The following FAAH2 variants were observed in gnomAD, a reference collection of about 807,000 sequenced individuals.
FAAH2 encodes fatty acid amide hydrolase 2.
Under a neutral mutation model 36.9 loss-of-function variants are expected in FAAH2, and 60 were observed. The ratio of observed to expected loss-of-function variants is 1.63; its 90% CI spans 1.32 to 2.02. FAAH2 has a LOEUF of 2.02. FAAH2 is among the 30% of genes most tolerant of loss of function. FAAH2 has a pLI of 0.00. For missense variants in FAAH2, 689 were observed against 397.5 expected, an observed-to-expected ratio of 1.73 and a Z score of -6.23; for synonymous variants, 214 against 143.8, an observed-to-expected ratio of 1.49 and a Z score of -3.49.
chrX:57,168,274 A>G, the FAAH2 span, among the ~76,000 whole-genome samples: 1 of 109,791 alleles, frequency 9.1e-6, no homozygotes, highest in Non-Finnish European at 1.9e-5. Context: ...GGTTTCTTTT[A>G]TTATATAATT....
chrX:57,207,829 G>A, the FAAH2 span, among the ~76,000 whole-genome samples: 1 of 112,707 alleles, frequency 8.9e-6, no homozygotes, highest in African/African-American at 3.2e-5. Context: ...AAGGCTCACA[G>A]CTTTTGTGCA....
intron 5 of FAAH2, among the ~76,000 whole-genome samples, chrX:57,376,523 G>T (rs1484952830): frequency 9.0e-6 from 1 of 111,288 alleles, no homozygotes; most frequent in African/African-American, 3.3e-5. Context: ...CGCTGAGAAT[G>T]ATGGTCACAT....
chrX:57,410,798 G>C (rs1426336714), intron 7 of FAAH2, among the ~76,000 whole-genome samples: 1 of 110,921 alleles, frequency 9.0e-6, no homozygotes, highest in Non-Finnish European at 1.9e-5. Flanking sequence ...GTATCTCTTT[G>C]TTGTACTTCT....
At chrX:57,270,332 A>T in the FAAH2 span, among the ~76,000 whole-genome samples, 610 of 111,906 alleles carry the variant, frequency 5.5e-3, 30 homozygotes, top group East Asian at 0.14. Flanking sequence ...ACTTTAAAAA[A>T]TTGAGGAGAA....
chrX:57,211,238 G>A, the FAAH2 span, among the ~76,000 whole-genome samples: 4 of 111,738 alleles, frequency 3.6e-5, no homozygotes, highest in Admixed American at 9.5e-5. Flanking sequence ...AGAGTAATTC[G>A]GGTCTCACTA....
the FAAH2 span, among the ~76,000 whole-genome samples, chrX:57,159,400 G>T: frequency 9.0e-6 from 1 of 111,440 alleles, no homozygotes; most frequent in Non-Finnish European, 1.9e-5. Flanking sequence ...GCTTGATGGG[G>T]ATGGCATTGA....
intron 8 of FAAH2, among the ~76,000 whole-genome samples, chrX:57,435,398 G>T (rs943169748): frequency 9.0e-6 from 1 of 111,059 alleles, no homozygotes; most frequent in African/African-American, 3.3e-5. Context: ...AAGAGAGATA[G>T]ATTGGCAGAA....
intron 3 of FAAH2, among the ~76,000 whole-genome samples, chrX:57,314,436 C>G (rs1161823060): frequency 9.0e-6 from 1 of 111,672 alleles, no homozygotes; most frequent in East Asian, 2.8e-4. Flanking sequence ...ATGGAATATA[C>G]ATTCAACTCA....
chrX:57,424,461 T>C (rs2056112590), intron 7 of FAAH2, among the ~76,000 whole-genome samples: 1 of 111,837 alleles, frequency 8.9e-6, no homozygotes, highest in Non-Finnish European at 1.9e-5. Context: ...TAAAATCAGC[T>C]GACACAAGCT....
intron 10 of FAAH2, among the ~76,000 whole-genome samples, chrX:57,470,494 C>T (rs1176957681): frequency 1.8e-5 from 2 of 111,551 alleles, no homozygotes; most frequent in African/African-American, 3.3e-5. Flanking sequence ...ACTAGAAAAT[C>T]TAGAAGAAAT....
At chrX:57,159,272 A>G in the FAAH2 span, among the ~76,000 whole-genome samples, 11 of 111,736 alleles carry the variant, frequency 9.8e-5, no homozygotes, top group African/African-American at 2.6e-4. Context: ...GTCAGGTAGC[A>G]TGATGCCTCC....
At chrX:57,430,315 A>C (rs2056265046) in intron 7 of FAAH2, among the ~76,000 whole-genome samples, 1 of 111,335 alleles carries the variant, frequency 9.0e-6, no homozygotes, top group Admixed American at 9.6e-5. Flanking sequence ...TATTCTCCAA[A>C]ACTTCTGATT....
Position 57,289,640 on chromosome X carries a change from A to T in FAAH2, c.192+2623A>T, listed in dbSNP as rs747476905. ...TGCTCATGTTACCTATTTATAATAA[A>T]TATAATCAATACTTTAGAAAATTAG... On this transcript the variant is annotated intron_variant, in intron 1 of 10. Coordinates refer to ENST00000374900, the MANE Select transcript of FAAH2 (RefSeq NM_174912.4). Among the ~76,000 whole-genome samples the T allele has an allele frequency of 1.4e-4, 16 of 111,547 alleles. 1 individual carries two copies. The highest frequency in any genetic ancestry group is 2.6e-4 in the Non-Finnish European group (14 of 53,172).
At chrX:57,211,599 C>T in the FAAH2 span, among the ~76,000 whole-genome samples, 1 of 111,862 alleles carries the variant, frequency 8.9e-6, no homozygotes, top group Non-Finnish European at 1.9e-5. Flanking sequence ...TCTGCAAACA[C>T]CACCTACTGG....
chrX:57,414,557 G>A (rs959380253), intron 7 of FAAH2, among the ~76,000 whole-genome samples: 2 of 111,620 alleles, frequency 1.8e-5, no homozygotes, highest in South Asian at 3.7e-4. Context: ...TGCATCCCAG[G>A]GATGAAGCTG....
At chrX:57,255,680 G>T in the FAAH2 span, among the ~76,000 whole-genome samples, 1 of 111,928 alleles carries the variant, frequency 8.9e-6, no homozygotes, top group African/African-American at 3.2e-5. Flanking sequence ...AAAACCTCAT[G>T]ATTATCTCAA....
chrX:57,307,637 A>G (rs1396721540), intron 2 of FAAH2, among the ~76,000 whole-genome samples: 1 of 111,649 alleles, frequency 9.0e-6, no homozygotes, highest in Non-Finnish European at 1.9e-5. Context: ...TTAAAAATAT[A>G]ATATCAACTT....
intron 5 of FAAH2, among the ~76,000 whole-genome samples, chrX:57,350,905 C>A (rs763571977): frequency 1.3e-4 from 15 of 111,326 alleles, no homozygotes; most frequent in Non-Finnish European, 2.5e-4. Flanking sequence ...GGATTTAATT[C>A]TCCACTCACA....
intron 6 of FAAH2, among the ~76,000 whole-genome samples, chrX:57,379,189 T>A (rs937100284): frequency 2.7e-5 from 3 of 111,624 alleles, no homozygotes; most frequent in Non-Finnish European, 5.6e-5. Flanking sequence ...AGCTCTTTTT[T>A]AATATATTTT....
Sources: allele counts gnomAD v4.1 joint callset (sites outside exome capture counted in the v4.1 genomes callset), GRCh38; gene constraint gnomAD v4.1.1; transcripts MANE v1.5; gene names NCBI Gene and HGNC (gene_info 2026-07-23, HGNC 2026-07-21).